The following ITPR1 variants were observed in gnomAD, a reference collection of about 807,000 sequenced individuals.
ITPR1 encodes inositol 1,4,5-trisphosphate-gated calcium channel ITPR1.
In ITPR1, 96 loss-of-function variants were observed where a neutral mutation model predicts 318.4. The observed-to-expected ratio is 0.30, with a 90% CI of 0.26 to 0.36. The LOEUF (loss-of-function observed/expected upper bound fraction) is 0.36. ITPR1 is among the 10% of genes least tolerant of loss of function. The pLI, the probability that ITPR1 is intolerant of heterozygous loss-of-function variation, is 1.00. For synonymous variants in ITPR1, 1,312 were observed against 1,289.9 expected (o/e 1.02, Z -0.37); for missense variants, 2,440 against 3,460.2 (o/e 0.71, Z 7.40).
intron 60 of ITPR1, among the ~76,000 whole-genome samples, chr3:4,830,091 A>T (rs2050373100): frequency 6.7e-6 from 1 of 148,908 alleles, no homozygotes; most frequent in African/African-American, 2.5e-5. Flanking sequence ...CTCCTGCCTC[A>T]GCCTCCTGGG....
At chr3:4,514,051 C>T (rs1252973111) in intron 2 of ITPR1, among the ~76,000 whole-genome samples, 1 of 151,380 alleles carries the variant, frequency 6.6e-6, no homozygotes, top group African/African-American at 2.4e-5. Context: ...TGTGCCACTG[C>T]ACTCCAGCTT....
intron 12 of ITPR1, among the ~76,000 whole-genome samples, chr3:4,656,660 C>G (rs1209100307): frequency 6.6e-6 from 1 of 152,332 alleles, no homozygotes; most frequent in African/African-American, 2.4e-5. Context: ...TTTCAGGCCC[C>G]GTAAGAGTTA....
intron 46 of ITPR1, among the ~76,000 whole-genome samples, chr3:4,771,011 C>G (rs1184168377): frequency 6.6e-6 from 1 of 152,170 alleles, no homozygotes; most frequent in Non-Finnish European, 1.5e-5. Flanking sequence ...ATGCTGGGGA[C>G]TGTTTCTGAG....
At chr3:4,569,027 G>A (rs1397736674) in intron 4 of ITPR1, among the ~76,000 whole-genome samples, 1 of 152,112 alleles carries the variant, frequency 6.6e-6, no homozygotes, top group African/African-American at 2.4e-5. Flanking sequence ...CAGATCTCTA[G>A]AGAACTCACT....
chr3:4,843,506 T>C (rs949643398), intron 61 of ITPR1, among the ~76,000 whole-genome samples: 1 of 152,330 alleles, frequency 6.6e-6, no homozygotes, highest in South Asian at 2.1e-4. Flanking sequence ...AGCAGATTCA[T>C]GGGACCTACC....
At chr3:4,752,794 C>T (rs1345123272) in intron 44 of ITPR1, among the ~76,000 whole-genome samples, 5 of 152,312 alleles carry the variant, frequency 3.3e-5, no homozygotes, top group Admixed American at 6.5e-5. Flanking sequence ...TCACCACAGC[C>T]GGCTTAATAT....
At chr3:4,694,851 T>A (rs10440145) in intron 33 of ITPR1, among the ~76,000 whole-genome samples, 59,366 of 152,144 alleles carry the variant, frequency 0.39, 14,248 homozygotes, top group Non-Finnish European at 0.56. Context: ...GGGTAAACCA[T>A]GAAAAGTCTT....
intron 54 of ITPR1, 81 bp from the exon 55 acceptor site, chr3:4,806,022 T>G: frequency 8.1e-7 from 1 of 1,228,588 alleles, no homozygotes; most frequent in South Asian, 1.6e-5. Flanking sequence ...CTGAAATACA[T>G]TTGTGTGAGA....
intron 4 of ITPR1, among the ~76,000 whole-genome samples, chr3:4,538,225 AAAGC>A (rs2084059775): frequency 1.3e-5 from 2 of 152,244 alleles, no homozygotes; most frequent in Admixed American, 1.3e-4. Flanking sequence ...ACCCTATTAA[AAAGC>A]AAGCAAAGGA....
At chr3:4,531,957 T>G (rs553736796) in intron 4 of ITPR1, among the ~76,000 whole-genome samples, 1 of 152,250 alleles carries the variant, frequency 6.6e-6, no homozygotes, top group Non-Finnish European at 1.5e-5. Context: ...ATGCCTCCAC[T>G]TTCTCATCTG....
intron 4 of ITPR1, among the ~76,000 whole-genome samples, chr3:4,597,457 T>C (rs2090922355): frequency 6.6e-6 from 1 of 151,912 alleles, no homozygotes; most frequent in South Asian, 2.1e-4. Context: ...TGTAGTGTGG[T>C]AAGGAAATGA....
At chr3:4,664,364 T>C (rs771768218) in intron 16 of ITPR1, among the ~76,000 whole-genome samples, 2 of 152,256 alleles carry the variant, frequency 1.3e-5, no homozygotes, top group African/African-American at 4.8e-5. Context: ...CATGTCCTTC[T>C]GTAACCCAAC....
chr3:4,534,213 C>A (rs1180547600), intron 4 of ITPR1, among the ~76,000 whole-genome samples: 2 of 152,124 alleles, frequency 1.3e-5, no homozygotes, highest in African/African-American at 4.8e-5. Context: ...ACCCATGGCC[C>A]CGGTAGTGAA....
intron 4 of ITPR1, among the ~76,000 whole-genome samples, chr3:4,588,158 T>G (rs1385286627): frequency 6.6e-6 from 1 of 152,188 alleles, no homozygotes; most frequent in Non-Finnish European, 1.5e-5. Context: ...TCAGAATCAT[T>G]AAGAGGTTTA....
chr3:4,615,373 C>CTTTTTT (rs11330102), intron 4 of ITPR1, among the ~76,000 whole-genome samples: 2 of 122,822 alleles, frequency 1.6e-5, no homozygotes, highest in Non-Finnish European at 1.7e-5. Context: ...TGATTTCTTT[C>CTTTTTT]TTTTTTTTTT....
intron 48 of ITPR1, 38 bp downstream of exon 48, chr3:4,777,412 AAC>A (rs746916274): frequency 2.3e-6 from 3 of 1,312,030 alleles, no homozygotes; most frequent in Non-Finnish European, 3.2e-6. Context: ...GTCATTTGGA[AAC>A]AGTCACTTTT....
At chr3:4,656,262 C>G (rs765636821) in intron 12 of ITPR1, among the ~76,000 whole-genome samples, 141 of 152,244 alleles carry the variant, frequency 9.3e-4, no homozygotes, top group Non-Finnish European at 1.7e-3. Context: ...TGATTTTCCT[C>G]TCAACTCCCA....
Position 4,789,093 on chromosome 3 carries a change from G to T in ITPR1, c.6808+954G>T, listed in dbSNP as rs935155659. ...CAGATAAGGTGGTGCAAGAAGGTTC[G>T]CCCAAAGGTCCCATTCCCACCTCAC... On this transcript the variant is annotated intron_variant, in intron 52 of 61. Transcript: ENST00000649015. 2.6e-5 allele frequency among the ~76,000 whole-genome samples: 4 copies of T among 152,186 alleles called. No individual in the cohort carries two copies. In the Middle Eastern group the frequency reaches 0.01, roughly 388 times the overall value.
intron 44 of ITPR1, among the ~76,000 whole-genome samples, chr3:4,737,417 A>C (rs1321367749): frequency 6.6e-6 from 1 of 152,164 alleles, no homozygotes; most frequent in East Asian, 1.9e-4. Flanking sequence ...GAAAGGGGGA[A>C]ATTGGGCATG....
Sources: allele counts gnomAD v4.1 joint callset (sites outside exome capture counted in the v4.1 genomes callset), GRCh38; gene constraint gnomAD v4.1.1; transcripts MANE v1.5; gene names NCBI Gene and HGNC (gene_info 2026-07-23, HGNC 2026-07-21).